Variants in SH3PXD2A observed in about 807,000 individuals in gnomAD.
SH3PXD2A encodes SH3 and PX domain-containing protein 2A.
Under a neutral mutation model 115.2 loss-of-function variants are expected in SH3PXD2A, and 32 were observed. That is an observed-to-expected ratio of 0.28 (90% CI 0.21 to 0.37). The LOEUF is 0.37. Ranked by LOEUF, SH3PXD2A falls within the 10% of genes least tolerant of loss-of-function variation. The pLI, the probability that SH3PXD2A is intolerant of heterozygous loss-of-function variation, is 1.00. For missense variants in SH3PXD2A, 1,328 were observed against 1,498.7 expected (o/e 0.89, Z 1.88); for synonymous variants, 610 against 629.1 (o/e 0.97, Z 0.45).
At chr10:103,721,059 G>A (rs2038175980) in intron 5 of SH3PXD2A, among the ~76,000 whole-genome samples, 1 of 152,184 alleles carries the variant, frequency 6.6e-6, no homozygotes, top group Non-Finnish European at 1.5e-5. Flanking sequence ...TCAAGAAAGA[G>A]GCAGATAACC....
At chr10:103,661,912 C>G (rs879761180) in intron 7 of SH3PXD2A, 2 of 985,362 alleles carry the variant, frequency 2.0e-6, no homozygotes, top group Non-Finnish European at 2.4e-6. Context: ...GCCCGCCCCC[C>G]GCCAACTTTT....
intron 2 of SH3PXD2A, among the ~76,000 whole-genome samples, chr10:103,799,361 C>T (rs2039125871): frequency 6.6e-6 from 1 of 152,242 alleles, no homozygotes; most frequent in South Asian, 2.1e-4. Flanking sequence ...AGATGCTATG[C>T]TTGGCTCATA....
At chr10:103,827,507 T>C (rs2039442241) in intron 1 of SH3PXD2A, among the ~76,000 whole-genome samples, 1 of 152,228 alleles carries the variant, frequency 6.6e-6, no homozygotes, top group Admixed American at 6.5e-5. Context: ...CATGACTCTC[T>C]GAGCCTCAGT....
chr10:103,828,476 C>T (rs554281169), intron 1 of SH3PXD2A, among the ~76,000 whole-genome samples: 1 of 152,338 alleles, frequency 6.6e-6, no homozygotes, highest in South Asian at 2.1e-4. Context: ...TTAATTAAAA[C>T]AAGTTGACTC....
Position 103,600,329 on chromosome 10 carries a change from C to T in SH3PXD2A, c.*1487G>A, listed in dbSNP as rs1442386645. ...TACAGGGAACTTTATTCTCTCGCTT[C>T]TGTCTTCACTGGGGCACTGACCCTC... On this transcript the variant is annotated 3_prime_UTR_variant, in exon 15 of 15. Coordinates refer to ENST00000369774, the MANE Select transcript of SH3PXD2A (RefSeq NM_001394015.1). 1 of 152,470 alleles carries T rather than the reference C, an allele frequency of 6.6e-6. No individual in the cohort carries two copies. Among genetic ancestry groups the T allele is most frequent in the Non-Finnish European group, 1.5e-5 (1 of 68,052 alleles). The allele number at this position is 152,470 out of a possible 1,614,324, so 9.4% of individuals were successfully genotyped here. A position where few individuals can be genotyped will look rare whatever the true frequency, so the allele number is the denominator to read the frequency against.
intron 8 of SH3PXD2A, among the ~76,000 whole-genome samples, chr10:103,653,985 C>T (rs77953709): frequency 0.025 from 3,786 of 151,842 alleles, 80 homozygotes; most frequent in East Asian, 0.08. Flanking sequence ...GCTTTGCAGT[C>T]GCAGCCCCAC....
At chr10:103,803,373 A>G (rs897331332) in intron 1 of SH3PXD2A, among the ~76,000 whole-genome samples, 3 of 152,206 alleles carry the variant, frequency 2.0e-5, no homozygotes, top group African/African-American at 7.2e-5. Context: ...TAGGTATCAC[A>G]TGATACATTG....
At chr10:103,695,029 G>A (rs888983037) in intron 5 of SH3PXD2A, among the ~76,000 whole-genome samples, 1 of 152,178 alleles carries the variant, frequency 6.6e-6, no homozygotes, top group African/African-American at 2.4e-5. Flanking sequence ...GTCCTGCCCA[G>A]AAGACTTTCC....
At chr10:103,609,626 G>A (rs2036395008) in intron 13 of SH3PXD2A, 1 of 152,156 alleles carries the variant, frequency 6.6e-6, no homozygotes, top group African/African-American at 2.4e-5. Flanking sequence ...CTAAGGCACC[G>A]AGCGCCCAGT....
intron 7 of SH3PXD2A, chr10:103,661,664 C>T (rs2037305437): frequency 3.7e-5 from 36 of 985,258 alleles, no homozygotes; most frequent in Non-Finnish European, 4.3e-5. Context: ...CCTGCTCCCT[C>T]GGGCGGGAGA....
chr10:103,741,210 C>T (rs2038440657), intron 3 of SH3PXD2A, among the ~76,000 whole-genome samples: 1 of 152,136 alleles, frequency 6.6e-6, no homozygotes, highest in Non-Finnish European at 1.5e-5. Context: ...CTACAACAGC[C>T]AAGGCCCTGG....
chr10:103,607,747 G>A (rs1353544327), intron 13 of SH3PXD2A, among the ~76,000 whole-genome samples: 1 of 152,180 alleles, frequency 6.6e-6, no homozygotes, highest in Non-Finnish European at 1.5e-5. Flanking sequence ...AAATCGGATG[G>A]TTGCCGCGTC....
chr10:103,800,602 T>A (rs2039137712), intron 2 of SH3PXD2A, among the ~76,000 whole-genome samples: 1 of 152,192 alleles, frequency 6.6e-6, no homozygotes, highest in South Asian at 2.1e-4. Context: ...CTCCTTCCAA[T>A]CACATCTCCT....
Position 103,602,793 on chromosome 10 carries a change from C to T in SH3PXD2A, c.2425G>A (p.Glu809Lys), listed in dbSNP as rs145150116. The T allele has an allele frequency of 1.3e-5, 21 of 1,614,018 alleles. No homozygotes were observed. The highest frequency in any genetic ancestry group is 2.7e-5 in the African/African-American group (2 of 74,930). ...CTCCTAGACCCCTCACTGGGAGCCTCGGAGGCCGTCTGCGGGGGCAGCTCC... is the reference window on the plus strand; with the variant it reads ...CTCCTAGACCCCTCACTGGGAGCCTTGGAGGCCGTCTGCGGGGGCAGCTCC... ...DSELPPQTAS[E>K]APSEGSRRSS... The change falls in exon 15 of 15, where the codon GAG becomes AAG. Residue 809 changes from glutamate to lysine, a missense_variant. Physicochemically the swap from Glu to Lys is moderately conservative, Grantham distance 56. Coordinates refer to ENST00000369774, the MANE Select transcript of SH3PXD2A (RefSeq NM_001394015.1).
At chr10:103,637,931 C>G (rs1195388204) in intron 8 of SH3PXD2A, among the ~76,000 whole-genome samples, 1 of 152,230 alleles carries the variant, frequency 6.6e-6, no homozygotes, top group East Asian at 1.9e-4. Context: ...ACCAGAGAAG[C>G]TGGAAATGCA....
At chr10:103,745,889 G>A (rs2134198302) in intron 3 of SH3PXD2A, 1 of 152,300 alleles carries the variant, frequency 6.6e-6, no homozygotes, top group African/African-American at 2.4e-5. Flanking sequence ...GCCCCCTAGG[G>A]GCATTCTAGG....
intron 3 of SH3PXD2A, 74 bp from the exon 4 acceptor site, chr10:103,735,882 T>G: frequency 3.4e-6 from 4 of 1,188,684 alleles, no homozygotes; most frequent in Non-Finnish European, 5.0e-6. Context: ...CCCCTCTCCC[T>G]TGGCTTCTCA....
chr10:103,725,843 A>C (rs2038234484), intron 4 of SH3PXD2A, among the ~76,000 whole-genome samples: 1 of 151,868 alleles, frequency 6.6e-6, no homozygotes, highest in African/African-American at 2.4e-5. Flanking sequence ...AAATATAAAT[A>C]AATAAAATAA....
chr10:103,832,305 G>A (rs1362121233), intron 1 of SH3PXD2A, among the ~76,000 whole-genome samples: 4 of 150,808 alleles, frequency 2.7e-5, no homozygotes, highest in Non-Finnish European at 5.9e-5. Flanking sequence ...CTTCTCATGT[G>A]CACTTGGGAG....
Sources: allele counts gnomAD v4.1 joint callset (sites outside exome capture counted in the v4.1 genomes callset), GRCh38; gene constraint gnomAD v4.1.1; transcripts MANE v1.5; gene names NCBI Gene and HGNC (gene_info 2026-07-23, HGNC 2026-07-21).